Variants in LRMDA observed in about 807,000 individuals in gnomAD.
The protein encoded by LRMDA is leucine rich melanocyte differentiation associated.
In LRMDA, 18 loss-of-function variants were observed where a neutral mutation model predicts 29.8. That is an observed-to-expected ratio of 0.60 (90% CI 0.42 to 0.90). LRMDA has a LOEUF of 0.90. Ranked by LOEUF, LRMDA falls within the 40% of genes least tolerant of loss-of-function variation. The pLI, the probability that LRMDA is intolerant of heterozygous loss-of-function variation, is 0.00. For synonymous variants in LRMDA, 125 were observed against 109.4 expected, an observed-to-expected ratio of 1.14 and a Z score of -0.89; for missense variants, 273 against 273.9, an observed-to-expected ratio of 1.00 and a Z score of 0.02.
intron 5 of LRMDA, among the ~76,000 whole-genome samples, chr10:76,236,608 G>C (rs1852156526): frequency 6.6e-6 from 1 of 152,114 alleles, no homozygotes; most frequent in African/African-American, 2.4e-5. Flanking sequence ...AAACTCCTTG[G>C]GGAGATGGAT....
At chr10:75,771,240 G>C (rs1843236720) in intron 2 of LRMDA, among the ~76,000 whole-genome samples, 1 of 151,776 alleles carries the variant, frequency 6.6e-6, no homozygotes, top group Admixed American at 6.6e-5. Flanking sequence ...CTCTACACAG[G>C]TTCACTCCCT....
chr10:75,827,766 A>G (rs1221645506), intron 2 of LRMDA, among the ~76,000 whole-genome samples: 2 of 152,238 alleles, frequency 1.3e-5, no homozygotes, highest in Non-Finnish European at 2.9e-5. Context: ...TCCAGGAAAT[A>G]ACATTTGTTG....
chr10:76,371,235 A>G (rs112791877), intron 6 of LRMDA, among the ~76,000 whole-genome samples: 10 of 152,146 alleles, frequency 6.6e-5, no homozygotes, highest in African/African-American at 1.4e-4. Flanking sequence ...GGATGTGTCA[A>G]TTGAGATGCT....
intron 5 of LRMDA, among the ~76,000 whole-genome samples, chr10:76,123,053 G>T (rs552629033): frequency 2.6e-5 from 4 of 152,238 alleles, no homozygotes; most frequent in African/African-American, 9.6e-5. Context: ...TGTTTGGCAT[G>T]CAATCTTTTC....
intron 5 of LRMDA, among the ~76,000 whole-genome samples, chr10:76,154,969 T>G: frequency 6.6e-6 from 1 of 152,162 alleles, no homozygotes; most frequent in East Asian, 1.9e-4. Context: ...GCCTGGATGT[T>G]GTATAAGTCA....
At chr10:75,767,069 G>A (rs2132232071) in intron 2 of LRMDA, among the ~76,000 whole-genome samples, 1 of 152,272 alleles carries the variant, frequency 6.6e-6, no homozygotes, top group South Asian at 2.1e-4. Flanking sequence ...TTGGTTTCAA[G>A]TCTTTGCTAT....
intron 6 of LRMDA, among the ~76,000 whole-genome samples, chr10:76,494,027 T>G (rs1842858808): frequency 6.6e-6 from 1 of 152,092 alleles, no homozygotes; most frequent in Admixed American, 6.6e-5. Flanking sequence ...TTGTATTATG[T>G]TACTTACATA....
intron 2 of LRMDA, among the ~76,000 whole-genome samples, chr10:75,997,934 G>A (rs1356392185): frequency 3.3e-5 from 5 of 152,202 alleles, no homozygotes; most frequent in Non-Finnish European, 5.9e-5. Context: ...AGTGGCTGCA[G>A]CCCATCTGCC....
chr10:75,790,107 G>C (rs750897377), intron 2 of LRMDA, among the ~76,000 whole-genome samples: 7 of 152,158 alleles, frequency 4.6e-5, no homozygotes, highest in Non-Finnish European at 1.0e-4. Context: ...CACTAGTCTA[G>C]AACAAGATTT....
intron 2 of LRMDA, among the ~76,000 whole-genome samples, chr10:75,646,089 C>T (rs960076263): frequency 6.6e-6 from 1 of 151,530 alleles, no homozygotes; most frequent in Non-Finnish European, 1.5e-5. Flanking sequence ...CTCTCCCTCC[C>T]CCCACATTCT....
At chr10:76,471,986 GT>G (rs1842622546) in intron 6 of LRMDA, among the ~76,000 whole-genome samples, 1 of 151,676 alleles carries the variant, frequency 6.6e-6, no homozygotes, top group Non-Finnish European at 1.5e-5. Context: ...TAGTTGTAGT[GT>G]TCAATACCCC....
chr10:76,540,012 T>C (rs1050137898), intron 6 of LRMDA, among the ~76,000 whole-genome samples: 8 of 152,052 alleles, frequency 5.3e-5, no homozygotes, highest in Admixed American at 2.6e-4. Flanking sequence ...ACACATTCCT[T>C]GTATACACAT....
chr10:75,939,182 T>A (rs1174450608), intron 2 of LRMDA, among the ~76,000 whole-genome samples: 1 of 152,162 alleles, frequency 6.6e-6, no homozygotes, highest in African/African-American at 2.4e-5. Flanking sequence ...TGAGGGGCCC[T>A]GGACCTGTGT....
intron 2 of LRMDA, among the ~76,000 whole-genome samples, chr10:75,625,773 G>GA (rs199604220): frequency 0.01 from 1,527 of 152,120 alleles, 28 homozygotes; most frequent in African/African-American, 0.034. Context: ...CCAATTTTAT[G>GA]AAAAGTATCA....
intron 2 of LRMDA, among the ~76,000 whole-genome samples, chr10:75,931,710 TC>T (rs1846208737): frequency 6.6e-6 from 1 of 152,200 alleles, no homozygotes; most frequent in Non-Finnish European, 1.5e-5. Flanking sequence ...GAGAAGAGAT[TC>T]CAGGCCTACT....
intron 5 of LRMDA, among the ~76,000 whole-genome samples, chr10:76,275,837 C>T (rs533793622): frequency 2.0e-5 from 3 of 152,214 alleles, no homozygotes; most frequent in Admixed American, 2.0e-4. Flanking sequence ...TATATTAACA[C>T]CATATACATA....
chr10:75,772,831 C>G (rs1843258579), intron 2 of LRMDA, among the ~76,000 whole-genome samples: 1 of 116,688 alleles, frequency 8.6e-6, no homozygotes, highest in Non-Finnish European at 1.6e-5. Flanking sequence ...GTGCCCTGCC[C>G]CTCAGGGCAC....
At chr10:75,648,332 A>T (rs1406277860) in intron 2 of LRMDA, among the ~76,000 whole-genome samples, 1 of 152,074 alleles carries the variant, frequency 6.6e-6, no homozygotes, top group African/African-American at 2.4e-5. Flanking sequence ...TCTTGCTAGC[A>T]TGGTGTGCCT....
At chr10:75,921,429 T>G (rs1168614506) in intron 2 of LRMDA, among the ~76,000 whole-genome samples, 1 of 152,166 alleles carries the variant, frequency 6.6e-6, no homozygotes, top group Non-Finnish European at 1.5e-5. Context: ...ATGGGAGGAA[T>G]GGATGATGTG....
Sources: allele counts gnomAD v4.1 joint callset (sites outside exome capture counted in the v4.1 genomes callset), GRCh38; gene constraint gnomAD v4.1.1; transcripts MANE v1.5; gene names NCBI Gene and HGNC (gene_info 2026-07-23, HGNC 2026-07-21).